The following MTX2 variants were observed in gnomAD, a reference collection of about 807,000 sequenced individuals.
MTX2 encodes the protein metaxin-2.
Under a neutral mutation model 42.3 loss-of-function variants are expected in MTX2, and 35 were observed. That is an observed-to-expected ratio of 0.83 (90% CI 0.63 to 1.10). The LOEUF (loss-of-function observed/expected upper bound fraction) is 1.10, where lower values mean the gene tolerates loss of function less well. MTX2 is among the 50% of genes least tolerant of loss of function. The pLI is 0.00. For synonymous variants in MTX2, 119 were observed against 100.9 expected (o/e 1.18, Z -1.08); for missense variants, 307 against 304.1 (o/e 1.01, Z -0.07).
chr2:176,282,504 T>C (rs1693103536), intron 1 of MTX2, among the ~76,000 whole-genome samples: 1 of 152,042 alleles, frequency 6.6e-6, no homozygotes, highest in Admixed American at 6.6e-5. Flanking sequence ...CTTTGGATTA[T>C]TTTTTTGGAT....
chr2:176,277,273 T>C (rs896123968), intron 1 of MTX2, among the ~76,000 whole-genome samples: 1 of 152,226 alleles, frequency 6.6e-6, no homozygotes, highest in East Asian at 1.9e-4. Flanking sequence ...GTTTAAAGGC[T>C]TTTGTAATAT....
chr2:176,270,403 A>G (rs1692780376), intron 1 of MTX2: 3 of 1,364,088 alleles, frequency 2.2e-6, no homozygotes, highest in African/African-American at 3.0e-5. Flanking sequence ...TGGACTGAAC[A>G]TGACTGATGT....
intron 3 of MTX2, chr2:176,304,143 C>G (rs1222628260): frequency 6.5e-6 from 1 of 154,318 alleles, no homozygotes; most frequent in Non-Finnish European, 1.5e-5. Context: ...CATACACTAC[C>G]CTGTGTGAGT....
rs1215716283 is a variant in MTX2 at position 176,274,364 on chromosome 2, G to C, written c.40+4695G>C. 2.0e-5 allele frequency among the ~76,000 whole-genome samples: 3 copies of C among 151,938 alleles called. No homozygotes were observed. In the East Asian group the frequency reaches 5.8e-4, roughly 29 times the overall value. ...TGTAACCTGTTTTGTCATATATTGG[G>C]ATCTCTTTTCATGTCTGTGAATGGA... On this transcript the variant is annotated intron_variant, in intron 1 of 9. Coordinates refer to ENST00000249442, the MANE Select transcript of MTX2 (RefSeq NM_006554.5).
intron 3 of MTX2, among the ~76,000 whole-genome samples, chr2:176,317,621 A>G (rs1046696226): frequency 2.6e-5 from 4 of 152,146 alleles, no homozygotes; most frequent in Non-Finnish European, 4.4e-5. Flanking sequence ...CCCACCCCCA[A>G]TAAAACCATC....
chr2:176,308,466 G>A (rs1183826195), intron 3 of MTX2, among the ~76,000 whole-genome samples: 3 of 152,148 alleles, frequency 2.0e-5, no homozygotes, highest in Admixed American at 6.5e-5. Context: ...AGAAGCAATG[G>A]TCCCAGCTCC....
At chr2:176,304,165 C>T (rs1684090810) in intron 3 of MTX2, 1 of 154,370 alleles carries the variant, frequency 6.5e-6, no homozygotes, top group Non-Finnish European at 1.5e-5. Flanking sequence ...AAACATCTTT[C>T]ATATAGTTCT....
intron 6 of MTX2, among the ~76,000 whole-genome samples, chr2:176,328,625 C>T (rs889935573): frequency 6.6e-6 from 1 of 150,988 alleles, no homozygotes; most frequent in African/African-American, 2.4e-5. Context: ...TTACTTTGGC[C>T]TTTTGAAATT....
chr2:176,304,411 T>A (rs1684095764), intron 3 of MTX2: 1 of 152,522 alleles, frequency 6.6e-6, no homozygotes, highest in Non-Finnish European at 1.5e-5. Context: ...ACAAATATAA[T>A]TAAGGTCTTA....
chr2:176,275,638 G>T lies in MTX2; in HGVS notation c.40+5969G>T, dbSNP rs1692929235. 2.0e-5 allele frequency among the ~76,000 whole-genome samples: 3 copies of T among 152,196 alleles called. No individual in the cohort carries two copies. The South Asian group carries it at 6.2e-4, about 32-fold the overall frequency. On this transcript the variant is annotated intron_variant, in intron 1 of 9. Transcript: ENST00000249442. ...TTGTTTTCACTTTTTTTAATGGAGA[G>T]ATTTTTCAATACATTACTCACATTT...
chr2:176,336,227 G>A (rs1039669428), intron 9 of MTX2, among the ~76,000 whole-genome samples: 6 of 152,038 alleles, frequency 3.9e-5, no homozygotes, highest in Non-Finnish European at 7.4e-5. Flanking sequence ...TTAATATAAT[G>A]TAAATTGGTG....
chr2:176,278,926 G>A (rs1004981493), intron 1 of MTX2, among the ~76,000 whole-genome samples: 6 of 151,760 alleles, frequency 4.0e-5, no homozygotes, highest in African/African-American at 1.2e-4. Context: ...ATTTTTGTAC[G>A]CTCTATAAAT....
chr2:176,307,631 T>C (rs922026083), intron 3 of MTX2, among the ~76,000 whole-genome samples: 1 of 152,172 alleles, frequency 6.6e-6, no homozygotes, highest in Non-Finnish European at 1.5e-5. Context: ...CCCTTGTAAG[T>C]TGGATTCCTA....
At chr2:176,328,752 A>G (rs1210273791) in intron 6 of MTX2, 122 bp from the exon 7 acceptor site, 2 of 848,620 alleles carry the variant, frequency 2.4e-6, no homozygotes, top group Non-Finnish European at 1.9e-6. Context: ...TAAGAAAAAC[A>G]AACCGCTACA....
intron 9 of MTX2, among the ~76,000 whole-genome samples, chr2:176,334,118 G>A (rs2689951): frequency 0.54 from 82,288 of 151,376 alleles, 22,545 homozygotes; most frequent in Admixed American, 0.64. Flanking sequence ...ATATAATTCA[G>A]TACCTCTGGA....
intron 3 of MTX2, chr2:176,304,286 G>A (rs1684093024): frequency 6.5e-6 from 1 of 154,342 alleles, no homozygotes; most frequent in South Asian, 2.0e-4. Flanking sequence ...ACATTATACT[G>A]TTATACCAGA....
At chr2:176,304,710 T>C (rs2105420781) in intron 3 of MTX2, among the ~76,000 whole-genome samples, 1 of 152,196 alleles carries the variant, frequency 6.6e-6, no homozygotes, top group Admixed American at 6.5e-5. Flanking sequence ...TTCACAATCA[T>C]TTTTATTTTG....
intron 1 of MTX2, among the ~76,000 whole-genome samples, chr2:176,281,855 A>G (rs1693083932): frequency 6.6e-6 from 1 of 152,134 alleles, no homozygotes; most frequent in African/African-American, 2.4e-5. Flanking sequence ...CTCTAAAGCT[A>G]GTGATGCCTG....
intron 4 of MTX2, 73 bp from the exon 5 acceptor site, chr2:176,326,752 A>T: frequency 2.1e-6 from 2 of 975,384 alleles, no homozygotes; most frequent in Non-Finnish European, 3.0e-6. Flanking sequence ...GTTTTGTGTT[A>T]ATTTTTTTTA....
Sources: allele counts gnomAD v4.1 joint callset (sites outside exome capture counted in the v4.1 genomes callset), GRCh38; gene constraint gnomAD v4.1.1; transcripts MANE v1.5; gene names NCBI Gene and HGNC (gene_info 2026-07-23, HGNC 2026-07-21).